Variants in EIF4G1 observed in about 807,000 individuals in gnomAD.
EIF4G1 encodes EIF4-gamma.
In EIF4G1, 4 loss-of-function variants were observed where a neutral mutation model predicts 187.8. The ratio of observed to expected loss-of-function variants is 0.02; its 90% CI spans 0.01 to 0.05. EIF4G1 has a LOEUF of 0.05. Ranked by LOEUF, EIF4G1 falls within the 10% of genes least tolerant of loss-of-function variation. The pLI is 1.00. For missense variants in EIF4G1, 1,647 were observed against 2,081.1 expected (o/e 0.79, Z 4.06); for synonymous variants, 844 against 781.4 (o/e 1.08, Z -1.34).
intron 17 of EIF4G1, 152 bp from the exon 18 acceptor site, chr3:184,324,726 A>G (rs1024433786): frequency 1.1e-6 from 1 of 881,856 alleles, no homozygotes; most frequent in Non-Finnish European, 1.9e-6. Flanking sequence ...CAGCCTCCCA[A>G]ATTGATGGGA....
At chr3:184,315,612 T>TG (rs1239330615) in intron 2 of EIF4G1, 67 bp downstream of exon 2, 1 of 772,328 alleles carries the variant, frequency 1.3e-6, no homozygotes, top group Non-Finnish European at 2.4e-6. Flanking sequence ...GACAGCATGT[T>TG]GGTGGGGACA....
chr3:184,327,959 C>G lies in EIF4G1; in HGVS notation c.3910C>G (p.Leu1304Val). The change falls in exon 26 of 33, where the codon CTG (leucine) becomes GTG (valine). Residue 1304 changes from leucine (L) to valine (V), a missense_variant. Physicochemically the swap from Leu to Val is conservative, Grantham distance 32. Around this residue, in one of 11 missense-constraint regions of EIF4G1, gnomAD observed 543 missense variants for 638.0 expected, o/e 0.85. Transcript: ENST00000346169. ...GCATATGGGGCAGCTGCTGCACCAGCTGCTCTGTGCTGGGCATCTGTCTAC... is the reference window on the plus strand; with the variant it reads ...GCATATGGGGCAGCTGCTGCACCAGGTGCTCTGTGCTGGGCATCTGTCTAC... ...REHMGQLLHQ[L>V]LCAGHLSTAQ... is the part of the protein sequence containing the mutation. 6.2e-7 allele frequency: 1 copy of G among 1,610,190 alleles called. No homozygotes were observed.
Position 184,335,043 on chromosome 3 carries a change from G to C in EIF4G1, c.*135G>C, listed in dbSNP as rs1421434652. On this transcript the variant is annotated 3_prime_UTR_variant, in exon 33 of 33. Transcript: ENST00000346169. ...TGTGATGTGTCTGAACTAATAAAGTGGCTGAAGAGGCAGGATGGCTTGGGG... is the reference window on the plus strand; with the variant it reads ...TGTGATGTGTCTGAACTAATAAAGTCGCTGAAGAGGCAGGATGGCTTGGGG... 5 of 1,264,510 alleles carry C rather than the reference G, an allele frequency of 4.0e-6. No individual in the cohort carries two copies. The Admixed American group carries it at 6.2e-5, about 16-fold the overall frequency. 78.3% of individuals were successfully genotyped at this position (1,264,510 alleles called of 1,614,324 possible). A position where few individuals can be genotyped will look rare whatever the true frequency, so the allele number is the denominator to read the frequency against.
At chr3:184,326,429 A>C in intron 21 of EIF4G1, 98 bp from the exon 22 acceptor site, 2 of 1,248,078 alleles carry the variant, frequency 1.6e-6, no homozygotes, top group Non-Finnish European at 2.3e-6. Context: ...TGACCCCTGG[A>C]CTGGGCCATT....
chr3:184,332,801 G>A (rs1259086128), intron 32 of EIF4G1, among the ~76,000 whole-genome samples: 5 of 152,208 alleles, frequency 3.3e-5, no homozygotes. Flanking sequence ...AGAAAGGCCA[G>A]TGTGGGAGAG....
intron 23 of EIF4G1, 82 bp downstream of exon 23, chr3:184,327,065 C>T (rs1221251157): frequency 1.0e-5 from 16 of 1,590,210 alleles, no homozygotes; most frequent in African/African-American, 1.3e-5. Flanking sequence ...TTGGAAATTT[C>T]TTCATACCTG....
At chr3:184,319,914 T>C in intron 7 of EIF4G1, 113 bp downstream of exon 7, 1 of 802,310 alleles carries the variant, frequency 1.2e-6, no homozygotes, top group Non-Finnish European at 2.1e-6. Flanking sequence ...GAGCTGAGAG[T>C]GGGCAGAGAA....
chr3:184,320,612 A>G lies in EIF4G1; in HGVS notation c.538-18A>G, dbSNP rs1292456628. 21 of 1,613,860 alleles carry G rather than the reference A, an allele frequency of 1.3e-5. No individual in the cohort carries two copies. Among genetic ancestry groups the G allele is most frequent in the Non-Finnish European group, 1.8e-5 (21 of 1,179,980 alleles). On this transcript the variant is annotated intron_variant, in intron 7 of 32. Coordinates refer to ENST00000346169, the MANE Select transcript of EIF4G1 (RefSeq NM_198241.3). ...GCTCTTCCTGCTTCCCACTCATCTTATAGCTTTCTTTCCCCAGATCCGAAT... is the reference window on the plus strand; with the variant it reads ...GCTCTTCCTGCTTCCCACTCATCTTGTAGCTTTCTTTCCCCAGATCCGAAT...
rs781055057 is a variant in EIF4G1, at chr3:184,321,981, G to A, written c.1397G>A (p.Gly466Glu). ...EMEEEEEEEE[G>E]EAGEAGEAES... is the part of the protein sequence containing the mutation. ...GAAGAAGAAGAAGAAGAGGAAGAAG[G>A]AGAAGCAGGAGAAGCAGGAGAAGCT... The change falls in exon 10 of 33, where the codon GGA becomes GAA. Residue 466 changes from glycine (G) to glutamate (E), a missense_variant. By Grantham distance (98) the Gly-to-Glu change is moderately conservative. Coordinates refer to ENST00000346169, the MANE Select transcript of EIF4G1 (RefSeq NM_198241.3). 1 of 1,542,974 alleles carries A rather than the reference G, an allele frequency of 6.5e-7. No homozygotes were observed. Among genetic ancestry groups the A allele is most frequent in the South Asian group, 1.1e-5 (1 of 90,522 alleles).
chr3:184,321,400 G>A lies in EIF4G1; in HGVS notation c.816G>A (p.Leu272=). 7 of 1,614,100 alleles carry A rather than the reference G, an allele frequency of 4.3e-6. No homozygotes were observed. Among genetic ancestry groups the A allele is most frequent in the Non-Finnish European group, 5.9e-6 (7 of 1,180,030 alleles). The change falls in exon 10 of 33, where the codon TTG becomes TTA. Residue 272 remains leucine, a synonymous_variant. Transcript: ENST00000346169. The part of the protein sequence containing the change: ...PSPTPSPSPV[L]EPGSEPNLAV... Reference sequence around the variant, plus strand: ...CGACCCCATCACCATCCCCAGTCTTGGAACCGGGGTCTGAGCCTAATCTCG... The same window carrying A: ...CGACCCCATCACCATCCCCAGTCTTAGAACCGGGGTCTGAGCCTAATCTCG...
chr3:184,324,790 T>C, intron 17 of EIF4G1, 88 bp from the exon 18 acceptor site: 1 of 1,424,724 alleles, frequency 7.0e-7, no homozygotes, highest in African/African-American at 1.4e-5. Flanking sequence ...TGAGTGCTTA[T>C]TGCTAGGTTT....
intron 1 of EIF4G1, chr3:184,315,201 C>T: frequency 2.8e-6 from 1 of 357,100 alleles, no homozygotes; most frequent in Non-Finnish European, 5.6e-6. Flanking sequence ...GGCCGCCGCC[C>T]GCCTGGCCTT....
intron 7 of EIF4G1, 68 bp downstream of exon 7, chr3:184,319,869 A>G: frequency 8.6e-7 from 1 of 1,162,290 alleles, no homozygotes; most frequent in Non-Finnish European, 1.3e-6. Context: ...CTGCTGGGAC[A>G]TTGTGCCGGA....
intron 28 of EIF4G1, 74 bp downstream of exon 28, chr3:184,329,064 C>T: frequency 6.5e-7 from 1 of 1,546,534 alleles, no homozygotes; most frequent in Non-Finnish European, 8.9e-7. Flanking sequence ...CCTGAAGCTT[C>T]ATGGTCCATT....
Position 184,323,098 on chromosome 3 carries a change from C to T in EIF4G1, c.1945C>T (p.Leu649=), listed in dbSNP as rs1172893281. The T allele has an allele frequency of 1.9e-6, 3 of 1,614,222 alleles. No homozygotes were observed. The highest frequency in any genetic ancestry group is 2.7e-5 in the African/African-American group (2 of 75,066). The part of the protein sequence containing the change: ...VVLDKANKTP[L]RPLDPTRLQG... ...CTCTTTGCAGGCCAATAAAACACCA[C>T]TGCGGCCACTGGATCCCACTAGACT... Residue 649 remains leucine (L), a synonymous_variant, in exon 14 of 33, where the codon CTG becomes TTG. Coordinates refer to ENST00000346169, the MANE Select transcript of EIF4G1 (RefSeq NM_198241.3). This position sits in a 1 kb window ranked among gnomAD's most constrained non-coding sequence, Gnocchi z 6.9.
At chr3:184,315,076 C>G (rs1028224809) in intron 1 of EIF4G1, 1 of 291,128 alleles carries the variant, frequency 3.4e-6, no homozygotes, top group Non-Finnish European at 6.7e-6. Flanking sequence ...GGCACTGGCC[C>G]GCGCTGCGCA....
At chr3:184,328,055 C>T in intron 26 of EIF4G1, 53 bp downstream of exon 26, 1 of 1,588,098 alleles carries the variant, frequency 6.3e-7, no homozygotes, top group Non-Finnish European at 8.5e-7. Context: ...AATTTTCTAT[C>T]TCCTTTTTGG....
intron 26 of EIF4G1, 44 bp downstream of exon 26, chr3:184,328,046 A>G (rs1725284377): frequency 1.9e-6 from 3 of 1,593,116 alleles, no homozygotes; most frequent in Non-Finnish European, 2.6e-6. Flanking sequence ...CAGACCCACA[A>G]TTTTCTATCT....
chr3:184,316,806 C>A, intron 4 of EIF4G1: 1 of 1,484,310 alleles, frequency 6.7e-7, no homozygotes, highest in Non-Finnish European at 9.2e-7. Flanking sequence ...AGGGGCTAGA[C>A]ACAGGGAATG....
Sources: allele counts gnomAD v4.1 joint callset (sites outside exome capture counted in the v4.1 genomes callset), GRCh38; gene constraint gnomAD v4.1.1; regional missense constraint gnomAD v4.1.1; non-coding constraint Gnocchi (gnomAD v3.1); transcripts MANE v1.5; gene names NCBI Gene and HGNC (gene_info 2026-07-23, HGNC 2026-07-21).